DLG5: variants seen among roughly 807,000 people sequenced by gnomAD.
DLG5 encodes disks large homolog 5.
In DLG5, 48 loss-of-function variants were observed where a neutral mutation model predicts 189.8. That is an observed-to-expected ratio of 0.25 (90% CI 0.20 to 0.32). DLG5 has a LOEUF of 0.32. DLG5 is among the 10% of genes least tolerant of loss of function. DLG5 has a pLI of 1.00. For missense variants in DLG5, 2,160 were observed against 2,544.7 expected, an observed-to-expected ratio of 0.85 and a Z score of 3.25; for synonymous variants, 1,016 against 1,054.1, an observed-to-expected ratio of 0.96 and a Z score of 0.70.
chr10:77,900,314 G>A (rs776035607), intron 1 of DLG5, among the ~76,000 whole-genome samples: 7 of 152,082 alleles, frequency 4.6e-5, no homozygotes, highest in African/African-American at 9.6e-5. Flanking sequence ...CAGTCACCAC[G>A]GTGCCCATGG....
At chr10:77,848,073 G>A (rs984313383) in intron 5 of DLG5, among the ~76,000 whole-genome samples, 3 of 152,158 alleles carry the variant, frequency 2.0e-5, no homozygotes, top group South Asian at 2.1e-4. Flanking sequence ...GCCTGAGCAC[G>A]GGACAGTTGG....
chr10:77,867,206 G>A (rs1439075506), intron 2 of DLG5: 2 of 401,894 alleles, frequency 5.0e-6, no homozygotes, highest in Non-Finnish European at 1.0e-5. Flanking sequence ...CTCAGGCTGG[G>A]AATTCCACCA....
rs553492867 is a variant in DLG5 at position 77,879,045 on chromosome 10, G to C, written c.305-9848C>G. 2.4e-3 allele frequency among the ~76,000 whole-genome samples: 366 copies of C among 152,338 alleles called. 5 individuals carry two copies. Among genetic ancestry groups the C allele is most frequent in the Non-Finnish European group, 3.4e-3 (234 of 68,032 alleles). ...GCCCTCATGGAGCTCACATGAACAG[G>C]GTGACAGGGGCGGGGGAGAAATAAA... On this transcript the variant is annotated intron_variant, in intron 1 of 31. Transcript: ENST00000372391.
intron 8 of DLG5, among the ~76,000 whole-genome samples, chr10:77,834,719 G>A (rs1428655593): frequency 2.6e-5 from 4 of 152,024 alleles, no homozygotes; most frequent in Non-Finnish European, 4.4e-5. Flanking sequence ...CCACAGCCTC[G>A]AATCTCCCCC....
intron 1 of DLG5, among the ~76,000 whole-genome samples, chr10:77,924,860 C>A (rs1280682888): frequency 6.6e-6 from 1 of 152,160 alleles, no homozygotes; most frequent in African/African-American, 2.4e-5. Context: ...TTTCCTGCAG[C>A]TACAAAAATT....
chr10:77,894,924 C>T lies in DLG5; in HGVS notation c.305-25727G>A, dbSNP rs144823547. The stretch of plus-strand genomic sequence containing the variant: ...CCAGGGGCAAGGGGTTTGCCAAGAC[C>T]CCAGCACAGCGGTCTTGAGGGGCAG... On this transcript the variant is annotated intron_variant, in intron 1 of 31. Coordinates refer to ENST00000372391, the MANE Select transcript of DLG5 (RefSeq NM_004747.4). Among the ~76,000 whole-genome samples the T allele has an allele frequency of 3.6e-3, 549 of 152,300 alleles. 3 individuals carry two copies. Among genetic ancestry groups the T allele is most frequent in the South Asian group, 0.024 (117 of 4,822 alleles).
intron 1 of DLG5, among the ~76,000 whole-genome samples, chr10:77,874,049 G>A (rs11002318): frequency 0.27 from 41,341 of 152,164 alleles, 6,349 homozygotes; most frequent in Non-Finnish European, 0.35. Context: ...GTGCCCAATC[G>A]CTCCCGGACT....
chr10:77,809,994 C>T (rs1430817679), intron 23 of DLG5, among the ~76,000 whole-genome samples: 2 of 152,252 alleles, frequency 1.3e-5, no homozygotes, highest in African/African-American at 4.8e-5. Flanking sequence ...CTCCCAGGCC[C>T]GGCTATCAAT....
At chr10:77,801,982 C>A (rs939936172) in intron 27 of DLG5, among the ~76,000 whole-genome samples, 1 of 152,170 alleles carries the variant, frequency 6.6e-6, no homozygotes, top group African/African-American at 2.4e-5. Context: ...GAGAGACCCA[C>A]GTGGAGGACG....
chr10:77,850,646 A>G (rs1248685), intron 5 of DLG5, among the ~76,000 whole-genome samples: 38,875 of 151,928 alleles, frequency 0.26, 5,515 homozygotes, highest in Admixed American at 0.39. Context: ...CACCAACAAC[A>G]TATGCAGGTC....
At chr10:77,889,162 C>T (rs1420685709) in intron 1 of DLG5, among the ~76,000 whole-genome samples, 2 of 145,072 alleles carry the variant, frequency 1.4e-5, no homozygotes, top group Admixed American at 6.9e-5. Context: ...CCAGGCTTCA[C>T]AAGCCCACAG....
Position 77,816,604 on chromosome 10 carries a change from T to C in DLG5, c.3972A>G (p.Thr1324=), listed in dbSNP as rs1382822422. 3 of 1,614,138 alleles carry C rather than the reference T, an allele frequency of 1.9e-6. No homozygotes were observed. The highest frequency in any genetic ancestry group is 1.1e-5 in the South Asian group (1 of 91,084). The change falls in exon 20 of 32, where the codon ACA becomes ACG. Residue 1324 remains threonine, a synonymous_variant. Transcript: ENST00000372391. ...SCSQSQTSAS[T]LPRIAVNPAS... is the part of the protein sequence containing the mutation. ...CGGGGTTGACAGCGATTCTGGGCAA[T>C]GTGGAGGCTGAGGTCTGGGACTGGC...
chr10:77,850,145 A>G (rs886336926), intron 5 of DLG5, among the ~76,000 whole-genome samples: 1 of 152,200 alleles, frequency 6.6e-6, no homozygotes, highest in African/African-American at 2.4e-5. Flanking sequence ...AGCCACTACC[A>G]CTATCTAATT....
In DLG5 at chr10:77,854,321, C is replaced by A; in HGVS notation, c.586G>T (p.Val196Leu). ...CTCTGCAGGTCCGACATGGCTCGCA[C>A]GCACTGGATCTTCAGCCTCTCATAG... ...PDYERLKIQC[V>L]RAMSDLQSLQ... The change falls in exon 4 of 32, where the codon GTG becomes TTG. Residue 196 changes from valine (V) to leucine (L), a missense_variant. Val to Leu is a conservative substitution (Grantham distance 32, BLOSUM62 1). Transcript: ENST00000372391. 5 of 1,614,158 alleles carry A rather than the reference C, an allele frequency of 3.1e-6. No individual in the cohort carries two copies. The highest frequency in any genetic ancestry group is 4.2e-6 in the Non-Finnish European group (5 of 1,180,050).
intron 1 of DLG5, among the ~76,000 whole-genome samples, chr10:77,913,425 G>A (rs1276091018): frequency 2.0e-5 from 3 of 152,004 alleles, no homozygotes; most frequent in Admixed American, 6.6e-5. Flanking sequence ...AGCATCACCC[G>A]GGCAACTTGA....
intron 20 of DLG5, 130 bp from the exon 21 acceptor site, chr10:77,812,507 C>T: frequency 2.8e-6 from 3 of 1,059,432 alleles, no homozygotes; most frequent in Non-Finnish European, 4.0e-6. Context: ...CCCATTGTGA[C>T]ACAGCTACAT....
At chr10:77,800,838 C>G (rs1238344248) in intron 27 of DLG5, among the ~76,000 whole-genome samples, 1 of 152,208 alleles carries the variant, frequency 6.6e-6, no homozygotes, top group East Asian at 1.9e-4. Flanking sequence ...AACTGGAAGT[C>G]AAGGCTCCCT....
the DLG5 span, among the ~76,000 whole-genome samples, chr10:77,935,571 C>A: frequency 2.6e-5 from 4 of 151,908 alleles, no homozygotes; most frequent in African/African-American, 9.7e-5. Flanking sequence ...CAGATCCTGG[C>A]GGTCTGCTCT....
At chr10:77,816,496 G>A (rs996655005) in intron 20 of DLG5, 55 bp downstream of exon 20, 67 of 1,612,262 alleles carry the variant, frequency 4.2e-5, no homozygotes, top group Non-Finnish European at 5.2e-5. Flanking sequence ...GCCCGCTGCC[G>A]GGATGCACAC....
Sources: allele counts gnomAD v4.1 joint callset (sites outside exome capture counted in the v4.1 genomes callset), GRCh38; gene constraint gnomAD v4.1.1; transcripts MANE v1.5; gene names NCBI Gene and HGNC (gene_info 2026-07-23, HGNC 2026-07-21).